NUP85: variants seen among roughly 807,000 people sequenced by gnomAD.
The protein encoded by NUP85 is nuclear pore complex protein Nup85.
NUP85 carries 23 observed loss-of-function variants against 92.8 expected under a neutral mutation model. That is an observed-to-expected ratio of 0.25 (90% CI 0.18 to 0.35). The LOEUF is 0.35. Among genes scored for constraint, NUP85 ranks in the 10% least tolerant of loss-of-function variants. NUP85 has a pLI of 1.00. For synonymous variants in NUP85, 314 were observed against 306.9 expected (o/e 1.02, Z -0.24); for missense variants, 759 against 822.8 (o/e 0.92, Z 0.95).
rs114782195 is a variant in NUP85, at chr17:75,225,878, G to A, written c.987+49G>A. 969 of 1,609,908 alleles carry A rather than the reference G, an allele frequency of 6.0e-4. 7 individuals are homozygous for A. In the African/African-American group the frequency reaches 0.011, roughly 19 times the overall value. On this transcript the variant is annotated intron_variant, in intron 10 of 18. Transcript: ENST00000245544. ...GGGTGGGGGTAGGAGTCCTGGGGGCGCCCTGATGGGTCATTCTCTTTGAAT... is the reference window on the plus strand; with the variant it reads ...GGGTGGGGGTAGGAGTCCTGGGGGCACCCTGATGGGTCATTCTCTTTGAAT...
At chr17:75,234,968 A>T (rs1253253870) in intron 17 of NUP85, 132 bp from the exon 18 acceptor site, 8 of 1,043,874 alleles carry the variant, frequency 7.7e-6, no homozygotes, top group Non-Finnish European at 1.2e-5. Context: ...CTTGATTTGA[A>T]ATGAGGTATT....
At chr17:75,224,975 CA>C in intron 7 of NUP85, 127 bp from the exon 8 acceptor site, 12 of 881,618 alleles carry the variant, frequency 1.4e-5, no homozygotes, top group Non-Finnish European at 1.8e-5. Flanking sequence ...AGGGCAGACT[CA>C]GGTGCAGAAA....
intron 7 of NUP85, among the ~76,000 whole-genome samples, chr17:75,218,929 T>C (rs1237262025): frequency 1.3e-5 from 2 of 151,970 alleles, no homozygotes; most frequent in African/African-American, 4.8e-5. Flanking sequence ...ATAAAACCAA[T>C]TGACAGGGGC....
chr17:75,225,506 T>C, intron 9 of NUP85, 42 bp downstream of exon 9: 1 of 1,602,062 alleles, frequency 6.2e-7, no homozygotes, highest in Non-Finnish European at 8.5e-7. Flanking sequence ...TGGCTTCCTA[T>C]GGGGGCTGTG....
Position 75,208,949 on chromosome 17 carries a change from G to A in NUP85, c.127+329G>A, listed in dbSNP as rs935407303. 6.6e-5 allele frequency among the ~76,000 whole-genome samples: 10 copies of A among 151,858 alleles called. No homozygotes were observed. In the East Asian group the frequency reaches 1.7e-3, roughly 26 times the overall value. ...GTAGAGATGGGAGTCTCATTTTGTT[G>A]CCTAGGCTGGTCTCGCACTCCTGGC... On this transcript the variant is annotated intron_variant, in intron 2 of 18. Coordinates refer to ENST00000245544, the MANE Select transcript of NUP85 (RefSeq NM_024844.5).
In NUP85 at chr17:75,231,334, C is replaced by T. The variant is rs756953676; in HGVS notation, c.1095-6C>T. ...TTCCTTCTTGCCTTGGTGTCTGAAT[C>T]TGCAGCATCGCCCTGAGCAACTGGT... On this transcript the variant is annotated splice_polypyrimidine_tract_variant and splice_region_variant and intron_variant, in intron 11 of 18. Coordinates refer to ENST00000245544, the MANE Select transcript of NUP85 (RefSeq NM_024844.5). This position sits in a 1 kb window ranked among gnomAD's most constrained non-coding sequence, Gnocchi z 4.6. 3 of 1,614,060 alleles carry T rather than the reference C, an allele frequency of 1.9e-6. No homozygotes were observed. The highest frequency in any genetic ancestry group is 2.5e-6 in the Non-Finnish European group (3 of 1,180,026).
intron 16 of NUP85, among the ~76,000 whole-genome samples, chr17:75,234,233 G>T (rs1406759260): frequency 6.6e-6 from 1 of 151,342 alleles, no homozygotes; most frequent in Non-Finnish European, 1.5e-5. Flanking sequence ...TGTATTTTTA[G>T]TAGAAATGGG....
rs1399994447 is a variant in NUP85, at chr17:75,232,905, G to T, written c.1451G>T (p.Gly484Val). 1 of 1,614,232 alleles carries T rather than the reference G, an allele frequency of 6.2e-7. No individual in the cohort carries two copies. The highest frequency in any genetic ancestry group is 1.7e-5 in the Admixed American group (1 of 60,018). ...AAAGCCGTCCGCAACAATCGCCTGGGTTCTGCCCTCTCTTGGAGCATCCGT... is the reference window on the plus strand; with the variant it reads ...AAAGCCGTCCGCAACAATCGCCTGGTTTCTGCCCTCTCTTGGAGCATCCGT... Reference protein sequence around the residue: ...AMKAVRNNRLGSALSWSIRAK... With the variant: ...AMKAVRNNRLVSALSWSIRAK... Residue 484 changes from glycine to valine, a missense_variant, in exon 15 of 19, where the codon GGT becomes GTT. By Grantham distance (109) the Gly-to-Val change is moderately radical. Coordinates refer to ENST00000245544, the MANE Select transcript of NUP85 (RefSeq NM_024844.5).
chr17:75,216,804 A>T (rs2075446229), intron 6 of NUP85, among the ~76,000 whole-genome samples: 1 of 152,136 alleles, frequency 6.6e-6, no homozygotes, highest in African/African-American at 2.4e-5. Context: ...ATTTTTGAGG[A>T]GGTTACAGTT....
intron 11 of NUP85, chr17:75,228,996 A>G (rs1410650499): frequency 1.0e-6 from 1 of 985,366 alleles, no homozygotes; most frequent in Non-Finnish European, 1.2e-6. Flanking sequence ...CCTGGCTTAC[A>G]GCTTCCTCTG....
In NUP85 at chr17:75,231,556, G is replaced by C; in HGVS notation, c.1179-17G>C. 2.5e-6 allele frequency: 4 copies of C among 1,614,168 alleles called. No homozygotes were observed. Among genetic ancestry groups the C allele is most frequent in the Non-Finnish European group, 3.4e-6 (4 of 1,179,990 alleles). ...GGCAGGCCAGGAGTCTTGGTCTTTT[G>C]TTATGTTTTATTCCAGTTTCGGTTC... is the stretch of plus-strand genomic sequence containing the variant. On this transcript the variant is annotated splice_polypyrimidine_tract_variant and intron_variant, in intron 12 of 18. Coordinates refer to ENST00000245544, the MANE Select transcript of NUP85 (RefSeq NM_024844.5). The surrounding 1 kb of genome is among the most constrained non-coding windows in gnomAD (Gnocchi z 4.6).
At chr17:75,225,879 C>A (rs376448965) in intron 10 of NUP85, 50 bp downstream of exon 10, 2 of 1,610,024 alleles carry the variant, frequency 1.2e-6, no homozygotes, top group Non-Finnish European at 1.7e-6. Flanking sequence ...CCTGGGGGCG[C>A]CCTGATGGGT....
At chr17:75,233,420 CTTT>C (rs137958890) in intron 16 of NUP85, among the ~76,000 whole-genome samples, 9 of 117,932 alleles carry the variant, frequency 7.6e-5, no homozygotes, top group Non-Finnish European at 1.5e-4. Context: ...TTTCTTTCTT[CTTT>C]TCTTTTATTT....
chr17:75,225,236 G>C lies in NUP85; in HGVS notation c.731G>C (p.Ser244Thr). The change falls in exon 8 of 19, where the codon AGT becomes ACT. Residue 244 changes from serine (S) to threonine (T), a missense_variant and splice_region_variant. Transcript: ENST00000245544. ...GDLMRTMPIL[S>T]PGNTQTLTEL... ...CTGATGAGGACAATGCCCATTCTTA[G>C]TGTACGTGGGGGTAGCTTTGCTCTG... is the stretch of plus-strand genomic sequence containing the variant. 6.2e-7 allele frequency: 1 copy of C among 1,604,454 alleles called. No homozygotes were observed. The highest frequency in any genetic ancestry group is 1.1e-5 in the South Asian group (1 of 90,044).
intron 3 of NUP85, among the ~76,000 whole-genome samples, chr17:75,211,211 T>G (rs1227025188): frequency 1.1e-4 from 17 of 151,456 alleles, no homozygotes; most frequent in Admixed American, 6.6e-5. Context: ...TCATTTTGGC[T>G]GGGCTGGTCT....
In NUP85 at chr17:75,231,265, C is replaced by A; in HGVS notation, c.1095-75C>A. On this transcript the variant is annotated intron_variant, in intron 11 of 18. Coordinates refer to ENST00000245544, the MANE Select transcript of NUP85 (RefSeq NM_024844.5). The surrounding 1 kb of genome is among the most constrained non-coding windows in gnomAD (Gnocchi z 4.6). ...TTGAGGGACAGGACATGTGGGGTTT[C>A]TTGCTCACCCCCACTCTTGTGGGAC... 1 of 1,399,132 alleles carries A rather than the reference C, an allele frequency of 7.1e-7. No homozygotes were observed. The allele number at this position is 1,399,132 out of a possible 1,614,324, so 86.7% of individuals were successfully genotyped here.
rs71159453 is a variant in NUP85, at chr17:75,209,445, C to CT, written c.128-359dup. Among the ~76,000 whole-genome samples, 459 of 106,428 alleles carry CT rather than the reference C, an allele frequency of 4.3e-3. 6 individuals are homozygous for CT. Among genetic ancestry groups the CT allele is most frequent in the African/African-American group, 0.014 (429 of 31,730 alleles). The allele number at this position is 106,428 out of a possible 152,430, so 69.8% of individuals were successfully genotyped here. ...GGAATCTTGACATTTGATTTGCTTTCTTTTTTTTTTTTTTTTTTTGAGACG... is the reference window on the plus strand; with the variant it reads ...GGAATCTTGACATTTGATTTGCTTTCTTTTTTTTTTTTTTTTTTTTGAGACG... On this transcript the variant is annotated intron_variant, in intron 2 of 18. Transcript: ENST00000245544.
At chr17:75,208,978 A>G (rs950688803) in intron 2 of NUP85, among the ~76,000 whole-genome samples, 2 of 152,040 alleles carry the variant, frequency 1.3e-5, no homozygotes, top group East Asian at 1.9e-4. Context: ...TCCTGGCCTC[A>G]AGCGATCCTG....
intron 11 of NUP85, chr17:75,229,122 G>A (rs563256548): frequency 4.7e-5 from 46 of 985,282 alleles, no homozygotes; most frequent in Non-Finnish European, 5.2e-5. Context: ...CAAAAGTATC[G>A]AGCTAAAAGG....
Sources: gnomAD v4.1 joint callset for allele counts (sites outside exome capture counted in the v4.1 genomes callset) on GRCh38, gnomAD v4.1.1 for gene constraint, Gnocchi (gnomAD v3.1) non-coding constraint, MANE v1.5 for transcripts, NCBI Gene and HGNC (gene_info 2026-07-23, HGNC 2026-07-21) for gene names.